CLIC6: variants seen among roughly 807,000 people sequenced by gnomAD.
The protein encoded by CLIC6 is CLIC family member 6.
Under a neutral mutation model 49.2 loss-of-function variants are expected in CLIC6, and 39 were observed. The observed-to-expected ratio is 0.79, with a 90% confidence interval of 0.61 to 1.04. The LOEUF is 1.04. Among genes scored for constraint, CLIC6 ranks in the 50% least tolerant of loss-of-function variants. The probability of loss-of-function intolerance (pLI) is 0.00; values close to 1 mark genes in which losing one functional copy is unlikely to be tolerated. For synonymous variants in CLIC6, 446 were observed against 433.4 expected, an observed-to-expected ratio of 1.03 and a Z score of -0.36; for missense variants, 988 against 993.1, an observed-to-expected ratio of 0.99 and a Z score of 0.07.
intron 5 of CLIC6, among the ~76,000 whole-genome samples, chr21:34,714,696 A>C (rs11909997): frequency 0.15 from 17,730 of 120,800 alleles, 1,444 homozygotes; most frequent in African/African-American, 0.29. Flanking sequence ...AAAAAACAAA[A>C]AAAAAAAAAA....
rs1568975046 is a variant in CLIC6 at position 34,718,082 on chromosome 21, G to T, written c.*1600G>T. 6.6e-6 allele frequency: 1 copy of T among 152,580 alleles called. No individual in the cohort carries two copies. Among genetic ancestry groups the T allele is most frequent in the Admixed American group, 6.5e-5 (1 of 15,272 alleles). The allele number at this position is 152,580 out of a possible 1,614,324, so 9.5% of individuals were successfully genotyped here. On this transcript the variant is annotated 3_prime_UTR_variant, in exon 6 of 6. Transcript: ENST00000349499. ...GGGGCAGATTTTAAAATGTAGTTTT[G>T]TAATGTTACATTTAAGCATGATAAA...
In CLIC6 at chr21:34,716,862, T is replaced by TCTCTCACA; in HGVS notation, c.*381_*382insTCTCACAC. On this transcript the variant is annotated 3_prime_UTR_variant, in exon 6 of 6. Transcript: ENST00000349499. ...CTCTCTCTCTCTCTCTCTCTCTCTA[T>TCTCTCACA]CACACACACACACACACACACACAC... 9.2e-4 allele frequency: 121 copies of TCTCTCACA among 131,734 alleles called. No homozygotes were observed. The highest frequency in any genetic ancestry group is 1.2e-3 in the Non-Finnish European group (78 of 64,968). The allele number at this position is 131,734 out of a possible 1,614,324, so 8.2% of individuals were successfully genotyped here.
chr21:34,675,484 A>G (rs1433046258), intron 1 of CLIC6, among the ~76,000 whole-genome samples: 1 of 152,130 alleles, frequency 6.6e-6, no homozygotes, highest in African/African-American at 2.4e-5. Context: ...AAAGTGAGCA[A>G]AGATGCATTT....
chr21:34,698,563 G>A (rs1345776928), intron 1 of CLIC6, among the ~76,000 whole-genome samples: 1 of 152,170 alleles, frequency 6.6e-6, no homozygotes, highest in Non-Finnish European at 1.5e-5. Flanking sequence ...GAGGATGGAA[G>A]GAAGGAGAGC....
chr21:34,689,025 G>A (rs979659528), intron 1 of CLIC6, among the ~76,000 whole-genome samples: 4 of 152,216 alleles, frequency 2.6e-5, no homozygotes, highest in Non-Finnish European at 5.9e-5. Context: ...TGCTCTCAGT[G>A]TGGGGTGAGG....
intron 5 of CLIC6, among the ~76,000 whole-genome samples, chr21:34,711,144 G>T (rs2056053782): frequency 6.6e-6 from 1 of 152,222 alleles, no homozygotes; most frequent in Non-Finnish European, 1.5e-5. Context: ...AGAGCCAGGT[G>T]GTTGGTATAA....
chr21:34,702,658 A>G (rs563755438), intron 1 of CLIC6, among the ~76,000 whole-genome samples: 2 of 152,188 alleles, frequency 1.3e-5, no homozygotes, highest in South Asian at 4.2e-4. Flanking sequence ...GAAGGCCAAG[A>G]TCTTCCTGCT....
intron 5 of CLIC6, among the ~76,000 whole-genome samples, chr21:34,713,385 C>G (rs2056068836): frequency 2.0e-5 from 3 of 151,878 alleles, no homozygotes; most frequent in Non-Finnish European, 2.9e-5. Context: ...TGGAAGAGCT[C>G]AAGAAGAAAA....
chr21:34,687,693 A>G (rs1182946818), intron 1 of CLIC6, among the ~76,000 whole-genome samples: 1 of 152,242 alleles, frequency 6.6e-6, no homozygotes, highest in Non-Finnish European at 1.5e-5. Context: ...TGAATAATAA[A>G]TTAATTGTTA....
chr21:34,698,828 C>T (rs1340560628), intron 1 of CLIC6, among the ~76,000 whole-genome samples: 2 of 152,120 alleles, frequency 1.3e-5, no homozygotes, highest in African/African-American at 2.4e-5. Context: ...TCAGGGTTAA[C>T]CTTGTCCAGG....
rs774178719 is a variant in CLIC6 at position 34,672,674 on chromosome 21, C to T, written c.1374+1912C>T. Among the ~76,000 whole-genome samples the T allele has an allele frequency of 1.2e-3, 188 of 152,294 alleles. 1 individual carries two copies. Among genetic ancestry groups the T allele is most frequent in the Non-Finnish European group, 2.0e-3 (138 of 68,034 alleles). On this transcript the variant is annotated intron_variant, in intron 1 of 5. Coordinates refer to ENST00000349499, the MANE Select transcript of CLIC6 (RefSeq NM_053277.3). ...GGGATGTGGTGAAGGCTTGAATGGG[C>T]GGCTAGCTGCTGGATAGTGTGGTGA...
intron 3 of CLIC6, 69 bp downstream of exon 3, chr21:34,708,138 C>T (rs1316992868): frequency 4.4e-6 from 7 of 1,575,210 alleles, no homozygotes; most frequent in African/African-American, 2.7e-5. Context: ...AGTTCTAAAG[C>T]TCTGGGCAGT....
intron 5 of CLIC6, among the ~76,000 whole-genome samples, chr21:34,712,486 G>A (rs2056063024): frequency 6.6e-6 from 1 of 152,152 alleles, no homozygotes; most frequent in African/African-American, 2.4e-5. Context: ...ACACAGTCCT[G>A]AAATACCCAA....
At chr21:34,711,361 A>C (rs1265894339) in intron 5 of CLIC6, among the ~76,000 whole-genome samples, 1 of 151,982 alleles carries the variant, frequency 6.6e-6, no homozygotes, top group African/African-American at 2.4e-5. Flanking sequence ...GAGAAACCCT[A>C]TCTCTACAAA....
intron 1 of CLIC6, among the ~76,000 whole-genome samples, chr21:34,692,097 C>G (rs1021720232): frequency 2.6e-5 from 4 of 152,178 alleles, no homozygotes; most frequent in African/African-American, 4.8e-5. Context: ...ATCTGACAAG[C>G]ATGTCTTTAC....
chr21:34,687,085 C>T (rs1474635131), intron 1 of CLIC6, among the ~76,000 whole-genome samples: 1 of 152,126 alleles, frequency 6.6e-6, no homozygotes, highest in Admixed American at 6.5e-5. Flanking sequence ...TGGGATATGC[C>T]ATGACTGATG....
chr21:34,707,252 A>T (rs1481212540), intron 1 of CLIC6, 28 bp from the exon 2 acceptor site: 1 of 1,525,218 alleles, frequency 6.6e-7, no homozygotes, highest in East Asian at 2.3e-5. Context: ...AGACTGGCTC[A>T]GATAGAAATC....
chr21:34,678,901 A>G (rs977677124), intron 1 of CLIC6, among the ~76,000 whole-genome samples: 10 of 152,358 alleles, frequency 6.6e-5, no homozygotes, highest in African/African-American at 2.4e-4. Context: ...CTCCCTAGAG[A>G]TAACCACCAA....
At chr21:34,674,656 T>C (rs747953635) in intron 1 of CLIC6, among the ~76,000 whole-genome samples, 2 of 152,226 alleles carry the variant, frequency 1.3e-5, no homozygotes, top group Admixed American at 6.5e-5. Flanking sequence ...TTGTGGTAAA[T>C]TAATTGCTGA....
Sources: gnomAD v4.1 joint callset for allele counts (sites outside exome capture counted in the v4.1 genomes callset) on GRCh38, gnomAD v4.1.1 for gene constraint, MANE v1.5 for transcripts, NCBI Gene and HGNC (gene_info 2026-07-23, HGNC 2026-07-21) for gene names.